The following LARGE1 variants were observed in gnomAD, a reference collection of about 807,000 sequenced individuals.
LARGE1 encodes the protein LARGE xylosyl- and glucuronyltransferase 1.
A neutral mutation model predicts 87.6 loss-of-function variants in LARGE1; 43 were observed. The ratio of observed to expected loss-of-function variants is 0.49; its 90% confidence interval spans 0.38 to 0.63. LARGE1 has a LOEUF of 0.63. Ranked by LOEUF, LARGE1 falls within the 30% of genes least tolerant of loss-of-function variation. LARGE1 has a pLI of 0.00. For synonymous variants in LARGE1, 434 were observed against 394.6 expected, an observed-to-expected ratio of 1.10 and a Z score of -1.18; for missense variants, 802 against 1,000.2, an observed-to-expected ratio of 0.80 and a Z score of 2.67.
intron 3 of LARGE1, among the ~76,000 whole-genome samples, chr22:33,626,976 G>A (rs529177072): frequency 3.3e-5 from 5 of 152,308 alleles, no homozygotes; most frequent in South Asian, 2.1e-4. Context: ...CCATTTAAGC[G>A]TCATGACATG....
chr22:33,247,877 G>T (rs980952257), intron 11 of LARGE1, among the ~76,000 whole-genome samples: 1 of 152,118 alleles, frequency 6.6e-6, no homozygotes, highest in Non-Finnish European at 1.5e-5. Context: ...AAATGCTGAG[G>T]AACTGAGAAA....
At chr22:33,122,761 C>G in the LARGE1 span, among the ~76,000 whole-genome samples, 1 of 152,206 alleles carries the variant, frequency 6.6e-6, no homozygotes, top group African/African-American at 2.4e-5. Context: ...CCTGTACAAA[C>G]TTCCCTGGAT....
intron 3 of LARGE1, among the ~76,000 whole-genome samples, chr22:33,633,760 T>C (rs1000901239): frequency 1.3e-5 from 2 of 152,186 alleles, no homozygotes; most frequent in African/African-American, 4.8e-5. Flanking sequence ...TTCTGGATGG[T>C]AGCTGCAGAC....
At chr22:33,416,470 A>C (rs1174680382) in intron 7 of LARGE1, among the ~76,000 whole-genome samples, 1 of 151,922 alleles carries the variant, frequency 6.6e-6, no homozygotes, top group East Asian at 1.9e-4. Context: ...CCTCCATCAT[A>C]GTGCAGGCCA....
At chr22:33,279,338 G>A (rs1929989616) in intron 13 of LARGE1, among the ~76,000 whole-genome samples, 2 of 152,198 alleles carry the variant, frequency 1.3e-5, no homozygotes, top group Admixed American at 1.3e-4. Flanking sequence ...GAGAGAGGAA[G>A]TGGAAGTCTG....
intron 10 of LARGE1, among the ~76,000 whole-genome samples, chr22:33,320,126 G>T (rs1374706288): frequency 1.3e-5 from 2 of 152,152 alleles, no homozygotes; most frequent in African/African-American, 4.8e-5. Context: ...TGACCCCACT[G>T]CTTCCTTCTG....
At chr22:33,801,042 T>C (rs1234660587) in intron 1 of LARGE1, among the ~76,000 whole-genome samples, 2 of 152,142 alleles carry the variant, frequency 1.3e-5, no homozygotes, top group Admixed American at 6.5e-5. Context: ...GTCTTTCCCA[T>C]GCTATTCTCA....
intron 1 of LARGE1, among the ~76,000 whole-genome samples, chr22:33,839,165 C>A (rs1254654182): frequency 1.3e-5 from 2 of 152,200 alleles, no homozygotes; most frequent in Non-Finnish European, 2.9e-5. Flanking sequence ...GCACCCACAT[C>A]TTCTGCACTT....
chr22:33,237,189 T>G (rs1194701496), intron 11 of LARGE1, among the ~76,000 whole-genome samples: 3 of 152,212 alleles, frequency 2.0e-5, no homozygotes, highest in African/African-American at 7.2e-5. Context: ...TGAGGAAACT[T>G]GCTATCCGTC....
chr22:33,266,150 G>GAA (rs111856408), intron 11 of LARGE1, among the ~76,000 whole-genome samples: 10 of 130,864 alleles, frequency 7.6e-5, no homozygotes, highest in African/African-American at 2.6e-4. Context: ...ACTCAATAGG[G>GAA]AAAAAAAAAA....
At chr22:33,599,112 T>A (rs891016056) in intron 5 of LARGE1, among the ~76,000 whole-genome samples, 1 of 152,026 alleles carries the variant, frequency 6.6e-6, no homozygotes, top group Non-Finnish European at 1.5e-5. Context: ...ATCTTTCAAA[T>A]TCCCTTAAGA....
rs531009108 is a variant in LARGE1, at chr22:33,916,092, C to A, written c.-83+3903G>T. On this transcript the variant is annotated intron_variant, in intron 1 of 14. Coordinates refer to ENST00000397394, the MANE Select transcript of LARGE1 (RefSeq NM_133642.5). ...GGTCAGGAGTTCTAGACCAGCCTGG[C>A]GAAGATGGTGAAACCCCGCCTCTAC... Among the ~76,000 whole-genome samples the A allele has an allele frequency of 3.9e-5, 6 of 152,112 alleles. No homozygotes were observed. In the South Asian group the frequency reaches 1.2e-3, roughly 32 times the overall value.
chr22:33,693,827 TAAAAAAAGAAA>T (rs1429195469), intron 2 of LARGE1, among the ~76,000 whole-genome samples: 3 of 149,814 alleles, frequency 2.0e-5, no homozygotes, highest in Admixed American at 6.7e-5. Flanking sequence ...CTGTCTCTAT[TAAAAAAAGAAA>T]AAAAAAAGAG....
chr22:33,831,625 C>T (rs2062972115), intron 1 of LARGE1, among the ~76,000 whole-genome samples: 1 of 152,072 alleles, frequency 6.6e-6, no homozygotes, highest in Non-Finnish European at 1.5e-5. Flanking sequence ...AAAAGTATTC[C>T]TAAGTTTTTA....
intron 1 of LARGE1, among the ~76,000 whole-genome samples, chr22:33,781,041 C>T: frequency 6.6e-6 from 1 of 152,242 alleles, no homozygotes; most frequent in South Asian, 2.1e-4. Context: ...TTTTATCACC[C>T]AATTCATAAC....
intron 1 of LARGE1, among the ~76,000 whole-genome samples, chr22:33,808,341 A>G (rs1207673862): frequency 6.6e-6 from 1 of 152,198 alleles, no homozygotes; most frequent in Non-Finnish European, 1.5e-5. Context: ...TCCACTTTTT[A>G]AATTAGGCTG....
intron 11 of LARGE1, among the ~76,000 whole-genome samples, chr22:33,315,635 T>A (rs1426017308): frequency 6.6e-6 from 1 of 152,010 alleles, no homozygotes; most frequent in Non-Finnish European, 1.5e-5. Context: ...ACTCTTTTTT[T>A]TTCTTTTTTT....
At chr22:33,124,344 C>T in the LARGE1 span, among the ~76,000 whole-genome samples, 1 of 36,772 alleles carries the variant, frequency 2.7e-5, no homozygotes, top group Non-Finnish European at 5.4e-5. Context: ...GACAAAGAGA[C>T]AAAGAAAGGA....
chr22:33,431,914 G>T (rs1188000224), intron 7 of LARGE1, among the ~76,000 whole-genome samples: 3 of 152,226 alleles, frequency 2.0e-5, no homozygotes, highest in African/African-American at 7.2e-5. Context: ...ATAGGATCTG[G>T]ATTAGAGGTC....
Sources: gnomAD v4.1 joint callset for allele counts (sites outside exome capture counted in the v4.1 genomes callset) on GRCh38, gnomAD v4.1.1 for gene constraint, MANE v1.5 for transcripts, NCBI Gene and HGNC (gene_info 2026-07-23, HGNC 2026-07-21) for gene names.